Variants in CARD14 observed in about 807,000 individuals in gnomAD.
CARD14 encodes caspase recruitment domain-containing protein 14.
CARD14 carries 107 observed loss-of-function variants against 111.5 expected under a neutral mutation model. The ratio of observed to expected loss-of-function variants is 0.96; its 90% CI spans 0.82 to 1.13. The LOEUF (loss-of-function observed/expected upper bound fraction) is 1.13, where lower values mean the gene tolerates loss of function less well. Ranked by LOEUF, CARD14 falls within the 50% of genes most tolerant of loss-of-function variation. The pLI is 0.00. For synonymous variants in CARD14, 617 were observed against 579.6 expected (o/e 1.06, Z -0.93); for missense variants, 1,322 against 1,362.3 (o/e 0.97, Z 0.47).
At chr17:80,190,072 C>T (rs1357213791) in intron 9 of CARD14, among the ~76,000 whole-genome samples, 200 bp downstream of exon 9, 1 of 152,152 alleles carries the variant, frequency 6.6e-6, no homozygotes, top group African/African-American at 2.4e-5. Flanking sequence ...AGACCATGGT[C>T]AGGCAGATGC....
At chr17:80,191,301 T>G in intron 10 of CARD14, 22 bp from the exon 11 acceptor site, 1 of 1,601,086 alleles carries the variant, frequency 6.2e-7, no homozygotes, top group South Asian at 1.1e-5. Context: ...CGCGGCCTCC[T>G]TACTCCCGTC....
In CARD14 at chr17:80,199,561, CAAAAAAAAA is replaced by C. The variant is rs34737700; in HGVS notation, c.1851+982_1851+990del. 1.0e-4 allele frequency among the ~76,000 whole-genome samples: 7 copies of C among 68,784 alleles called. No individual in the cohort carries two copies. In the East Asian group the frequency reaches 2.6e-3, roughly 26 times the overall value. The allele number at this position is 68,784 out of a possible 152,430, so 45.1% of individuals were successfully genotyped here. Reference sequence around the variant, plus strand: ...TGGGTGACAGAGCAAAGCCTTGTCTCAAAAAAAAAAAAAAAAAAAAGAAAAGAAAAAAAA... The same window carrying C: ...TGGGTGACAGAGCAAAGCCTTGTCTCAAAAAAAAAAAGAAAAGAAAAAAAA... On this transcript the variant is annotated intron_variant, in intron 16 of 23. Transcript: ENST00000648509.
chr17:80,190,834 C>T lies in CARD14; in HGVS notation c.1024C>T (p.Leu342Phe), dbSNP rs2040502244. ...CCAGAAGAGTAAGATGGCCTGCCAA[C>T]TCTACAGGGAGAAGGTGAATGCGCT... is the stretch of plus-strand genomic sequence containing the variant. ...QFQKSKMACQLYREKVNALQA... is the reference protein window; with the variant it reads ...QFQKSKMACQFYREKVNALQA... The change falls in exon 10 of 24, where the codon CTC becomes TTC. Residue 342 changes from leucine (L) to phenylalanine (F), a missense_variant. Coordinates refer to ENST00000648509, the MANE Select transcript of CARD14 (RefSeq NM_001366385.1). The T allele has an allele frequency of 1.7e-5, 27 of 1,614,020 alleles. No individual in the cohort carries two copies. Among genetic ancestry groups the T allele is most frequent in the Non-Finnish European group, 2.3e-5 (27 of 1,180,046 alleles).
chr17:80,184,229 GC>G lies in CARD14; in HGVS notation c.667del (p.Gln223ArgfsTer7). 1 of 1,528,856 alleles carries G rather than the reference GC, an allele frequency of 6.5e-7. No individual in the cohort carries two copies. Among genetic ancestry groups the G allele is most frequent in the South Asian group, 1.2e-5 (1 of 80,200 alleles). 94.7% of individuals were successfully genotyped at this position (1,528,856 alleles called of 1,614,324 possible). ...TGGCCGCCTCACGCTGCCGCAGCCTGCAGGAGGAGGTAGGGGGACACCCTGC... is the reference window on the plus strand; with the variant it reads ...TGGCCGCCTCACGCTGCCGCAGCCTGAGGAGGAGGTAGGGGGACACCCTGC... ...ELAASRCRSL[Q>X]EELYLLKQEL... On this transcript the variant is annotated frameshift_variant, in exon 7 of 24. Transcript: ENST00000648509. LOFTEE classifies it high-confidence loss of function.
In CARD14 at chr17:80,182,708, G is replaced by A. The variant is rs373005620; in HGVS notation, c.267G>A (p.Leu89=). 1 of 1,614,110 alleles carries A rather than the reference G, an allele frequency of 6.2e-7. No homozygotes were observed. Among genetic ancestry groups the A allele is most frequent in the South Asian group, 1.1e-5 (1 of 91,074 alleles). Residue 89 remains leucine, a synonymous_variant, in exon 6 of 24, where the codon CTG becomes CTA. Transcript: ENST00000648509. The surrounding 1 kb of genome is among the most constrained non-coding windows in gnomAD (Gnocchi z 4.7). ...TRGKNGAIAF[L]ESLKFHNPDV... ...GGAAGAACGGGGCCATCGCCTTCCTGGAGAGCCTGAAGTTCCACAACCCTG... is the reference window on the plus strand; with the variant it reads ...GGAAGAACGGGGCCATCGCCTTCCTAGAGAGCCTGAAGTTCCACAACCCTG...
Position 80,195,275 on chromosome 17 carries a change from C to T in CARD14, c.1441C>T (p.Gln481Ter). 1.2e-6 allele frequency: 2 copies of T among 1,613,086 alleles called. No individual in the cohort carries two copies. The highest frequency in any genetic ancestry group is 1.7e-6 in the Non-Finnish European group (2 of 1,179,932). The change falls in exon 13 of 24, where the codon CAG becomes TAG. Residue 481 changes from glutamine to a stop codon, truncating the protein, a stop_gained. Coordinates refer to ENST00000648509, the MANE Select transcript of CARD14 (RefSeq NM_001366385.1). LOFTEE classifies it high-confidence loss of function. The surrounding 1 kb of genome is among the most constrained non-coding windows in gnomAD (Gnocchi z 4.7). ...CTCCAGCAGCCCCGCGCCCCCCAGC[C>T]AGCAGTCCCTGTACAAGCGGGTGGC... Reference protein sequence around the residue: ...FRSSSPAPPSQQSLYKRVAED... With the variant: ...FRSSSPAPPS
At chr17:80,196,957 G>A (rs1024558514) in intron 14 of CARD14, 1 of 152,396 alleles carries the variant, frequency 6.6e-6, no homozygotes, top group South Asian at 2.1e-4. Flanking sequence ...GTCCATGTTT[G>A]GGAGGTCAAG....
intron 10 of CARD14, 68 bp downstream of exon 10, chr17:80,190,967 G>A (rs1396594592): frequency 1.3e-6 from 2 of 1,569,822 alleles, no homozygotes; most frequent in Non-Finnish European, 1.7e-6. Context: ...TGGTTCCGGG[G>A]ACAGTCTCGT....
At chr17:80,192,367 T>C in intron 11 of CARD14, 136 bp from the exon 12 acceptor site, 1 of 646,642 alleles carries the variant, frequency 1.5e-6, no homozygotes, top group Admixed American at 2.5e-5. Flanking sequence ...AGGGACACAA[T>C]TGTTTTCCCT....
intron 14 of CARD14, 138 bp from the exon 15 acceptor site, chr17:80,197,961 T>C (rs536480946): frequency 1.3e-6 from 1 of 770,236 alleles, no homozygotes; most frequent in African/African-American, 1.7e-5. Flanking sequence ...GGGCTGAGGT[T>C]ACAGGAGGTT....
chr17:80,202,583 C>T (rs2041044718), intron 18 of CARD14, 163 bp downstream of exon 18: 2 of 1,435,200 alleles, frequency 1.4e-6, no homozygotes, highest in Non-Finnish European at 9.1e-7. Flanking sequence ...GATGTTGTTT[C>T]TTTGTGATGG....
rs1057337275 is a variant in CARD14 at position 80,182,246 on chromosome 17, A to C, written c.212-407A>C. Among the ~76,000 whole-genome samples, 2 of 151,938 alleles carry C rather than the reference A, an allele frequency of 1.3e-5. No homozygotes were observed. The highest frequency in any genetic ancestry group is 4.8e-5 in the African/African-American group (2 of 41,362). On this transcript the variant is annotated intron_variant, in intron 5 of 23. Transcript: ENST00000648509. This position sits in a 1 kb window ranked among gnomAD's most constrained non-coding sequence, Gnocchi z 4.7. ...CTGTCACCCGCAGCCCCGGGGTGCC[A>C]CTCTGCTTTCTGTGCGCAGCTCCAA... is the stretch of plus-strand genomic sequence containing the variant.
chr17:80,180,626 G>A (rs2040140632), intron 4 of CARD14, among the ~76,000 whole-genome samples: 1 of 152,176 alleles, frequency 6.6e-6, no homozygotes, highest in Admixed American at 6.5e-5. Context: ...GCCCAGGCTG[G>A]AGTGCAGTGG....
chr17:80,195,070 C>G lies in CARD14; in HGVS notation c.1357-121C>G. On this transcript the variant is annotated intron_variant, in intron 12 of 23. Coordinates refer to ENST00000648509, the MANE Select transcript of CARD14 (RefSeq NM_001366385.1). This position sits in a 1 kb window ranked among gnomAD's most constrained non-coding sequence, Gnocchi z 4.7. ...GTGACCCCATGTGTGTCCTTCTTTCCCCTCCTGCCTCCTCTCCAGTCAGTT... is the reference window on the plus strand; with the variant it reads ...GTGACCCCATGTGTGTCCTTCTTTCGCCTCCTGCCTCCTCTCCAGTCAGTT... 1 of 1,313,586 alleles carries G rather than the reference C, an allele frequency of 7.6e-7. No homozygotes were observed. The allele number at this position is 1,313,586 out of a possible 1,614,324, so 81.4% of individuals were successfully genotyped here.
Position 80,195,219 on chromosome 17 carries a change from C to T in CARD14, c.1385C>T (p.Thr462Met), listed in dbSNP as rs368239982. The change falls in exon 13 of 24, where the codon ACG becomes ATG. Residue 462 changes from threonine to methionine, a missense_variant. Coordinates refer to ENST00000648509, the MANE Select transcript of CARD14 (RefSeq NM_001366385.1). This position sits in a 1 kb window ranked among gnomAD's most constrained non-coding sequence, Gnocchi z 4.7. The part of the protein sequence containing the change: ...ESQLLSDLSA[T>M]SSRELVDSFR... ...CAGCTCTTGTCGGACCTGAGTGCCA[C>T]GTCCAGCCGCGAGCTGGTGGACAGC... is the stretch of plus-strand genomic sequence containing the variant. The T allele has an allele frequency of 4.8e-4, 778 of 1,610,532 alleles. No homozygotes were observed. The highest frequency in any genetic ancestry group is 1.2e-3 in the South Asian group (110 of 90,960).
At chr17:80,170,562 CGTGT>C (rs1300237877) in intron 1 of CARD14, 1 of 151,936 alleles carries the variant, frequency 6.6e-6, no homozygotes, top group Non-Finnish European at 1.5e-5. Flanking sequence ...TGTGCGTGTG[CGTGT>C]GTGTATGTGT....
Position 80,198,984 on chromosome 17 carries a change from T to C in CARD14, c.1851+393T>C. ...GTTGTTTTGAAACAGGGTCTCACTC[T>C]GTCACCCAGGCTAGAGTGCTGCGGT... On this transcript the variant is annotated intron_variant, in intron 16 of 23. Transcript: ENST00000648509. This position sits in a 1 kb window ranked among gnomAD's most constrained non-coding sequence, Gnocchi z 7.5. The C allele has an allele frequency of 1.0e-6, 1 of 997,632 alleles. No individual in the cohort carries two copies. The highest frequency in any genetic ancestry group is 1.2e-6 in the Non-Finnish European group (1 of 818,396). The allele number at this position is 997,632 out of a possible 1,614,324, so 61.8% of individuals were successfully genotyped here.
At position 80,195,112 on chromosome 17, in the gene CARD14, C is replaced by T; in HGVS notation, c.1357-79C>T. On this transcript the variant is annotated intron_variant, in intron 12 of 23. Transcript: ENST00000648509. This position sits in a 1 kb window ranked among gnomAD's most constrained non-coding sequence, Gnocchi z 4.7. Reference sequence around the variant, plus strand: ...CAGTCAGTTCTCACTGTGGCTCTCTCTACACCGTGGGGGAGCAAGGGAGGA... The same window carrying T: ...CAGTCAGTTCTCACTGTGGCTCTCTTTACACCGTGGGGGAGCAAGGGAGGA... 2 of 1,515,052 alleles carry T rather than the reference C, an allele frequency of 1.3e-6. No individual in the cohort carries two copies. Among genetic ancestry groups the T allele is most frequent in the Non-Finnish European group, 1.8e-6 (2 of 1,125,618 alleles). The allele number at this position is 1,515,052 out of a possible 1,614,324, so 93.9% of individuals were successfully genotyped here.
In CARD14 at chr17:80,195,163, C is replaced by T. The variant is rs1457101926; in HGVS notation, c.1357-28C>T. 1.9e-6 allele frequency: 3 copies of T among 1,580,844 alleles called. No homozygotes were observed. The highest frequency in any genetic ancestry group is 1.7e-5 in the Admixed American group (1 of 58,650). The stretch of plus-strand genomic sequence containing the variant: ...GTCTCAGGGTGTCCTCGTGCGTGCC[C>T]CACTGACTTCTGCCCTCCCTCCTCC... On this transcript the variant is annotated intron_variant, in intron 12 of 23. Transcript: ENST00000648509. The surrounding 1 kb of genome is among the most constrained non-coding windows in gnomAD (Gnocchi z 4.7).
Sources: allele counts gnomAD v4.1 joint callset (sites outside exome capture counted in the v4.1 genomes callset), GRCh38; gene constraint gnomAD v4.1.1; non-coding constraint Gnocchi (gnomAD v3.1); transcripts MANE v1.5; gene names NCBI Gene and HGNC (gene_info 2026-07-23, HGNC 2026-07-21).